The following SLC24A2 variants were observed in gnomAD, a reference collection of about 807,000 sequenced individuals.
The protein encoded by SLC24A2 is sodium/potassium/calcium exchanger 2.
In SLC24A2, 36 loss-of-function variants were observed where a neutral mutation model predicts 62.0. That is an observed-to-expected ratio of 0.58 (90% CI 0.44 to 0.77). SLC24A2 has a LOEUF of 0.77. Ranked by LOEUF, SLC24A2 falls within the 30% of genes least tolerant of loss-of-function variation. The pLI is 0.00. For synonymous variants in SLC24A2, 358 were observed against 294.0 expected (o/e 1.22, Z -2.23); for missense variants, 846 against 817.9 (o/e 1.03, Z -0.42).
chr9:19,744,270 A>G lies in SLC24A2; in HGVS notation c.930+41667T>C, dbSNP rs557949429. Among the ~76,000 whole-genome samples, 14 of 152,180 alleles carry G rather than the reference A, an allele frequency of 9.2e-5. 1 individual carries two copies. Among genetic ancestry groups the G allele is most frequent in the Admixed American group, 9.2e-4 (14 of 15,256 alleles). On this transcript the variant is annotated intron_variant, in intron 2 of 10. Transcript: ENST00000341998. ...TTCTATGTTTTCTATTTTCTCCCTC[A>G]CCATATCTAGGGATGGATGTTCCCA...
At chr9:19,544,693 G>C (rs563378547) in intron 8 of SLC24A2, among the ~76,000 whole-genome samples, 14 of 152,112 alleles carry the variant, frequency 9.2e-5, no homozygotes, top group Non-Finnish European at 2.1e-4. Flanking sequence ...TTACGAAACT[G>C]AGTTTGCCTG....
At chr9:19,798,210 T>G in the SLC24A2 span, among the ~76,000 whole-genome samples, 1 of 152,324 alleles carries the variant, frequency 6.6e-6, no homozygotes, top group East Asian at 1.9e-4. Flanking sequence ...GCTTCATCAT[T>G]TTCTTTCATT....
chr9:19,959,485 C>T, the SLC24A2 span, among the ~76,000 whole-genome samples: 5 of 152,304 alleles, frequency 3.3e-5, no homozygotes, highest in Admixed American at 3.3e-4. Context: ...TATAACCCAA[C>T]CTTTAGCAGT....
At chr9:19,865,924 G>C in the SLC24A2 span, among the ~76,000 whole-genome samples, 3 of 152,138 alleles carry the variant, frequency 2.0e-5, no homozygotes, top group East Asian at 5.8e-4. Context: ...CCACAGAATG[G>C]GAGACAATAT....
intron 2 of SLC24A2, among the ~76,000 whole-genome samples, chr9:19,641,686 T>G (rs182326047): frequency 8.5e-5 from 13 of 152,206 alleles, no homozygotes; most frequent in African/African-American, 3.1e-4. Context: ...GGCTAATTTT[T>G]GTAGTTTTAG....
At chr9:19,606,052 C>T (rs1409387382) in intron 4 of SLC24A2, among the ~76,000 whole-genome samples, 1 of 152,132 alleles carries the variant, frequency 6.6e-6, no homozygotes, top group Non-Finnish European at 1.5e-5. Context: ...TGTGATGTCA[C>T]CTTTGAACTC....
chr9:20,122,931 G>T, the SLC24A2 span, among the ~76,000 whole-genome samples: 51 of 152,166 alleles, frequency 3.4e-4, no homozygotes, highest in Admixed American at 2.8e-3. Flanking sequence ...GTCAATAAAT[G>T]TCATTCCTGG....
intron 8 of SLC24A2, among the ~76,000 whole-genome samples, chr9:19,534,867 T>C (rs1319862239): frequency 1.3e-5 from 2 of 152,226 alleles, no homozygotes; most frequent in Non-Finnish European, 1.5e-5. Context: ...CCTTTGGGTA[T>C]ATACCCAGTA....
At chr9:19,569,325 TACCTC>T (rs1835772793) in intron 7 of SLC24A2, among the ~76,000 whole-genome samples, 1 of 152,202 alleles carries the variant, frequency 6.6e-6, no homozygotes, top group African/African-American at 2.4e-5. Flanking sequence ...CACAGGTTCT[TACCTC>T]ACCTCCCTTT....
intron 2 of SLC24A2, among the ~76,000 whole-genome samples, chr9:19,777,156 T>C (rs1417635233): frequency 6.6e-6 from 1 of 152,216 alleles, no homozygotes; most frequent in Non-Finnish European, 1.5e-5. Context: ...GTAAGAGATC[T>C]TTGTGTGAGT....
At chr9:19,601,965 T>C (rs759917170) in intron 4 of SLC24A2, among the ~76,000 whole-genome samples, 9 of 152,206 alleles carry the variant, frequency 5.9e-5, no homozygotes, top group Non-Finnish European at 1.3e-4. Context: ...TTCCTTCAAA[T>C]TAGGAAGCTC....
At chr9:20,077,783 T>C in the SLC24A2 span, among the ~76,000 whole-genome samples, 2 of 152,224 alleles carry the variant, frequency 1.3e-5, no homozygotes, top group African/African-American at 2.4e-5. Context: ...TCCCAAGTCA[T>C]CCCTGGTAAT....
chr9:19,850,972 T>TATATATATATACACATAC, the SLC24A2 span, among the ~76,000 whole-genome samples: 6 of 47,870 alleles, frequency 1.3e-4, no homozygotes, highest in Non-Finnish European at 2.2e-4. Context: ...TATATGTATA[T>TATATATATATACACATAC]ATATATATAT....
chr9:20,139,010 T>C, the SLC24A2 span, among the ~76,000 whole-genome samples: 1 of 152,330 alleles, frequency 6.6e-6, no homozygotes, highest in South Asian at 2.1e-4. Flanking sequence ...CCTCCCCGCC[T>C]CATGGTCACC....
chr9:19,903,381 A>G, the SLC24A2 span, among the ~76,000 whole-genome samples: 3 of 152,112 alleles, frequency 2.0e-5, no homozygotes, highest in Admixed American at 1.3e-4. Flanking sequence ...AAGGACACCA[A>G]TCCCATCATG....
intron 8 of SLC24A2, among the ~76,000 whole-genome samples, chr9:19,534,143 T>C (rs561781842): frequency 3.9e-4 from 60 of 152,284 alleles, no homozygotes; most frequent in African/African-American, 1.4e-3. Context: ...CTTTTCCTAA[T>C]GTTGTACAGC....
chr9:20,139,933 T>C, the SLC24A2 span, among the ~76,000 whole-genome samples: 2 of 152,210 alleles, frequency 1.3e-5, no homozygotes, highest in African/African-American at 4.8e-5. Context: ...AGGAGCCCCT[T>C]TTGCATGGAA....
intron 2 of SLC24A2, among the ~76,000 whole-genome samples, chr9:19,662,495 A>C (rs940055713): frequency 4.6e-5 from 7 of 152,162 alleles, no homozygotes; most frequent in Non-Finnish European, 8.8e-5. Context: ...CTGTTCTGTC[A>C]GTTTGAAATG....
At chr9:19,793,856 T>A (rs1365015797), upstream of SLC24A2, among the ~76,000 whole-genome samples, 2 of 152,212 alleles carry the variant, frequency 1.3e-5, no homozygotes, top group Non-Finnish European at 2.9e-5. Context: ...CAATCAAGGA[T>A]AGTTGTCTAC....
Sources: allele counts gnomAD v4.1 joint callset (sites outside exome capture counted in the v4.1 genomes callset), GRCh38; gene constraint gnomAD v4.1.1; transcripts MANE v1.5; gene names NCBI Gene and HGNC (gene_info 2026-07-23, HGNC 2026-07-21).